LAMA1: variants seen among roughly 807,000 people sequenced by gnomAD.
The protein encoded by LAMA1 is laminin subunit alpha 1.
A neutral mutation model predicts 348.7 loss-of-function variants in LAMA1; 219 were observed. The observed-to-expected ratio is 0.63, with a 90% confidence interval of 0.56 to 0.70. The LOEUF (loss-of-function observed/expected upper bound fraction) is 0.70, where lower values mean the gene tolerates loss of function less well. Among genes scored for constraint, LAMA1 ranks in the 30% least tolerant of loss-of-function variants. The pLI, the probability that LAMA1 is intolerant of heterozygous loss-of-function variation, is 0.00. For synonymous variants in LAMA1, 1,487 were observed against 1,491.0 expected, an observed-to-expected ratio of 1.00 and a Z score of 0.06; for missense variants, 3,744 against 3,888.0, an observed-to-expected ratio of 0.96 and a Z score of 0.99.
At chr18:7,065,741 T>C (rs938470234) in intron 3 of LAMA1, among the ~76,000 whole-genome samples, 2 of 152,164 alleles carry the variant, frequency 1.3e-5, no homozygotes, top group African/African-American at 2.4e-5. Context: ...ATCAGCCCAG[T>C]TGGCTGAACA....
intron 8 of LAMA1, chr18:7,043,012 C>G: frequency 1.7e-6 from 1 of 583,716 alleles, no homozygotes; most frequent in South Asian, 2.1e-5. Flanking sequence ...CTAATGGACC[C>G]CTGAATTCAA....
intron 55 of LAMA1, chr18:6,957,474 C>A (rs561482828): frequency 6.5e-6 from 1 of 152,896 alleles, no homozygotes; most frequent in Non-Finnish European, 1.5e-5. Flanking sequence ...TTTATTCTTG[C>A]AAATTTCAGG....
chr18:7,003,903 G>A (rs1044711067), intron 29 of LAMA1, among the ~76,000 whole-genome samples: 6 of 152,026 alleles, frequency 3.9e-5, no homozygotes, highest in African/African-American at 1.5e-4. Flanking sequence ...AAATTTTACT[G>A]GGATCTACCT....
In LAMA1 at chr18:7,109,316, G is replaced by A. The variant is rs187311967; in HGVS notation, c.61+8344C>T. 1.1e-4 allele frequency among the ~76,000 whole-genome samples: 16 copies of A among 152,266 alleles called. No homozygotes were observed. The East Asian group carries it at 2.7e-3, about 26-fold the overall frequency. On this transcript the variant is annotated intron_variant, in intron 1 of 62. Coordinates refer to ENST00000389658, the MANE Select transcript of LAMA1 (RefSeq NM_005559.4). ...AGGTTTTAATGCTAGAACCCCCCTG[G>A]GGTTGTCTGTGTATTCAAAGAAATG...
In LAMA1 at chr18:7,116,133, G is replaced by A. The variant is rs564606197; in HGVS notation, c.61+1527C>T. 2.6e-5 allele frequency among the ~76,000 whole-genome samples: 4 copies of A among 152,280 alleles called. No homozygotes were observed. The South Asian group carries it at 6.2e-4, about 24-fold the overall frequency. On this transcript the variant is annotated intron_variant, in intron 1 of 62. Coordinates refer to ENST00000389658, the MANE Select transcript of LAMA1 (RefSeq NM_005559.4). ...TCTCAAAGCAGGAAAGCCCCATGAG[G>A]TCCCACTTTCTCCAAAAACCACTCA...
intron 26 of LAMA1, 149 bp downstream of exon 26, chr18:7,010,051 C>T: frequency 2.5e-6 from 2 of 803,546 alleles, no homozygotes; most frequent in Non-Finnish European, 4.1e-6. Flanking sequence ...AGGTGATCCA[C>T]CCACCTCGGC....
intron 3 of LAMA1, among the ~76,000 whole-genome samples, chr18:7,058,525 G>A (rs922961416): frequency 6.6e-6 from 1 of 152,190 alleles, no homozygotes; most frequent in African/African-American, 2.4e-5. Context: ...TGTATCTGGC[G>A]ATAGGCTCTT....
At position 7,096,476 on chromosome 18, in the gene LAMA1, A is replaced by C. The variant is rs188157363; in HGVS notation, c.62-16019T>G. 3.4e-4 allele frequency among the ~76,000 whole-genome samples: 52 copies of C among 152,166 alleles called. No individual in the cohort carries two copies. The East Asian group carries it at 4.6e-3, about 14-fold the overall frequency. ...AAGACTGCTTGAGCCCAGGAGTACAACACCAGCCTGGGTAACAATTTTTTT... is the reference window on the plus strand; with the variant it reads ...AAGACTGCTTGAGCCCAGGAGTACACCACCAGCCTGGGTAACAATTTTTTT... On this transcript the variant is annotated intron_variant, in intron 1 of 62. Coordinates refer to ENST00000389658, the MANE Select transcript of LAMA1 (RefSeq NM_005559.4).
intron 54 of LAMA1, 100 bp downstream of exon 54, chr18:6,959,241 C>T (rs1269371469): frequency 3.4e-6 from 5 of 1,487,448 alleles, no homozygotes; most frequent in Non-Finnish European, 4.7e-6. Context: ...CCGATGACCC[C>T]AGTCATCTAG....
Position 6,951,920 on chromosome 18 carries a change from A to G in LAMA1, c.8208-949T>C, listed in dbSNP as rs371009756. Among the ~76,000 whole-genome samples the G allele has an allele frequency of 9.7e-4, 147 of 152,310 alleles. 1 individual carries two copies. The highest frequency in any genetic ancestry group is 3.5e-3 in the African/African-American group (146 of 41,566). On this transcript the variant is annotated intron_variant, in intron 57 of 62. Coordinates refer to ENST00000389658, the MANE Select transcript of LAMA1 (RefSeq NM_005559.4). Reference sequence around the variant, plus strand: ...CAACGGCAAAGAGCAGGAGAGCAGGACTGAGGGAAGCCTGCGAATTCCATT... The same window carrying G: ...CAACGGCAAAGAGCAGGAGAGCAGGGCTGAGGGAAGCCTGCGAATTCCATT...
At chr18:7,046,388 G>A in intron 5 of LAMA1, 21 bp from the exon 6 acceptor site, 2 of 1,438,700 alleles carry the variant, frequency 1.4e-6, no homozygotes, top group Non-Finnish European at 2.0e-6. Context: ...AGAAAGTTAT[G>A]AACAAAAATT....
chr18:7,008,321 G>A (rs1190617002), intron 28 of LAMA1, among the ~76,000 whole-genome samples, 167 bp downstream of exon 28: 1 of 152,108 alleles, frequency 6.6e-6, no homozygotes. Context: ...GGTTAAGATG[G>A]AAGATTTTGT....
intron 39 of LAMA1, among the ~76,000 whole-genome samples, chr18:6,984,269 T>G (rs1355791857): frequency 6.6e-6 from 1 of 152,228 alleles, no homozygotes; most frequent in African/African-American, 2.4e-5. Context: ...TAATCTTTTA[T>G]GTCAGCATTT....
Position 7,042,370 on chromosome 18 carries a change from A to G in LAMA1, c.1156-120T>C. On this transcript the variant is annotated intron_variant, in intron 8 of 62. Coordinates refer to ENST00000389658, the MANE Select transcript of LAMA1 (RefSeq NM_005559.4). ...TGGGACTATTACGATGATTTTGTGC[A>G]TGGGGGTGGGGGTTAGGTTTGAGGA... 5 of 698,828 alleles carry G rather than the reference A, an allele frequency of 7.2e-6. No individual in the cohort carries two copies. The South Asian group carries it at 7.7e-5, about 11-fold the overall frequency. 43.3% of individuals were successfully genotyped at this position (698,828 alleles called of 1,614,324 possible).
Position 7,042,250 on chromosome 18 carries a change from C to A in LAMA1, c.1156G>T (p.Val386Leu). 1 of 1,591,768 alleles carries A rather than the reference C, an allele frequency of 6.3e-7. No individual in the cohort carries two copies. Among genetic ancestry groups the A allele is most frequent in the Non-Finnish European group, 8.6e-7 (1 of 1,162,028 alleles). Reference protein sequence around the residue: ...CIDGYYRPHKVSPYEDEPCRP... With the variant: ...CIDGYYRPHKLSPYEDEPCRP... ...CAAGGCTCATCCTCATAAGGAGACA[C>A]CTGAAAGGCAGAGGTTGCCCTGGAT... The change falls in exon 9 of 63, where the codon GTG becomes TTG. Residue 386 changes from valine (V) to leucine (L), a missense_variant and splice_region_variant. Around this residue, in one of 3 missense-constraint regions of LAMA1, gnomAD observed 1,529 missense variants for 1,689.4 expected, o/e 0.91. Coordinates refer to ENST00000389658, the MANE Select transcript of LAMA1 (RefSeq NM_005559.4).
intron 1 of LAMA1, among the ~76,000 whole-genome samples, chr18:7,104,962 C>G (rs965017626): frequency 1.3e-5 from 2 of 152,080 alleles, no homozygotes; most frequent in African/African-American, 4.8e-5. Flanking sequence ...GGCAGCTGGT[C>G]TGTAAGTCAA....
At chr18:7,032,007 AC>A in intron 16 of LAMA1, 58 bp downstream of exon 16, 1 of 1,405,436 alleles carries the variant, frequency 7.1e-7, no homozygotes, top group South Asian at 1.2e-5. Flanking sequence ...TCACTTGTAC[AC>A]AGCAAATGGC....
At chr18:6,956,503 G>T in intron 56 of LAMA1, 133 bp downstream of exon 56, 2 of 1,436,760 alleles carry the variant, frequency 1.4e-6, no homozygotes, top group Non-Finnish European at 1.9e-6. Context: ...CTGATTTTTA[G>T]CACAGCTCCA....
intron 1 of LAMA1, among the ~76,000 whole-genome samples, chr18:7,109,562 A>C (rs4798532): frequency 0.31 from 46,557 of 151,952 alleles, 7,498 homozygotes; most frequent in East Asian, 0.57. Context: ...CAGCCTGTGC[A>C]TGAGTGGTCT....
Sources: allele counts gnomAD v4.1 joint callset (sites outside exome capture counted in the v4.1 genomes callset), GRCh38; gene constraint gnomAD v4.1.1; regional missense constraint gnomAD v4.1.1; transcripts MANE v1.5; gene names NCBI Gene and HGNC (gene_info 2026-07-23, HGNC 2026-07-21).